Variants in ADCY2 observed in about 807,000 individuals in gnomAD.
ADCY2 encodes adenylate cyclase 2, also known as adenylate cyclase type 2.
ADCY2 carries 31 observed loss-of-function variants against 125.2 expected under a neutral mutation model. The ratio of observed to expected loss-of-function variants is 0.25; its 90% CI spans 0.19 to 0.33. ADCY2 has a LOEUF of 0.33. Ranked by LOEUF, ADCY2 falls within the 10% of genes least tolerant of loss-of-function variation. ADCY2 has a pLI of 1.00. For missense variants in ADCY2, 904 were observed against 1,418.2 expected (o/e 0.64, Z 5.82); for synonymous variants, 512 against 548.4 (o/e 0.93, Z 0.93).
chr5:7,409,347 C>G (rs1739625072), intron 1 of ADCY2, among the ~76,000 whole-genome samples: 1 of 152,092 alleles, frequency 6.6e-6, no homozygotes, highest in Non-Finnish European at 1.5e-5. Flanking sequence ...CAAGTTTCTT[C>G]TGTATCAAAT....
chr5:7,738,700 A>G (rs1742322319), intron 14 of ADCY2, among the ~76,000 whole-genome samples: 1 of 152,042 alleles, frequency 6.6e-6, no homozygotes, highest in Non-Finnish European at 1.5e-5. Flanking sequence ...ATCTGATGTA[A>G]ACAATAAGCA....
chr5:7,508,822 G>A (rs566835101), intron 2 of ADCY2, among the ~76,000 whole-genome samples: 1 of 152,118 alleles, frequency 6.6e-6, no homozygotes, highest in East Asian at 1.9e-4. Flanking sequence ...CCTCATGTTG[G>A]CCAAGAAAAC....
intron 4 of ADCY2, among the ~76,000 whole-genome samples, chr5:7,668,980 T>C (rs1310213034): frequency 2.0e-5 from 3 of 152,230 alleles, no homozygotes; most frequent in Admixed American, 1.3e-4. Context: ...TAATTCTATA[T>C]TGAAATGTGC....
At chr5:7,677,103 C>T (rs996811226) in intron 4 of ADCY2, among the ~76,000 whole-genome samples, 6 of 151,958 alleles carry the variant, frequency 3.9e-5, no homozygotes, top group African/African-American at 1.5e-4. Flanking sequence ...ATGGTGAAAC[C>T]TCATCTCTAC....
intron 4 of ADCY2, among the ~76,000 whole-genome samples, chr5:7,687,092 A>G (rs1708068607): frequency 6.6e-6 from 1 of 152,228 alleles, no homozygotes; most frequent in Non-Finnish European, 1.5e-5. Flanking sequence ...ATTTCAGCTT[A>G]AATTCACATG....
In ADCY2 at chr5:7,422,874, C is replaced by T. The variant is rs192807122; in HGVS notation, c.408+8104C>T. On this transcript the variant is annotated intron_variant, in intron 2 of 24. Transcript: ENST00000338316. ...CTTAGCCTTTGAACTGGTGCAGAAT[C>T]CTTTTGCTTTTCCTCTAGTGCAGTC... Among the ~76,000 whole-genome samples, 555 of 152,254 alleles carry T rather than the reference C, an allele frequency of 3.6e-3. 2 individuals carry two copies. Among genetic ancestry groups the T allele is most frequent in the Non-Finnish European group, 3.9e-3 (262 of 68,024 alleles).
chr5:7,779,603 C>T (rs1448677762), intron 18 of ADCY2, among the ~76,000 whole-genome samples: 1 of 152,012 alleles, frequency 6.6e-6, no homozygotes, highest in Non-Finnish European at 1.5e-5. Context: ...CTTTTGTCAT[C>T]TTTTCTGACC....
intron 4 of ADCY2, among the ~76,000 whole-genome samples, chr5:7,629,311 TC>T (rs896612255): frequency 6.6e-6 from 1 of 152,100 alleles, no homozygotes; most frequent in African/African-American, 2.4e-5. Flanking sequence ...CCGTCCCTCT[TC>T]ACCCAGGATT....
intron 4 of ADCY2, among the ~76,000 whole-genome samples, chr5:7,689,427 T>G (rs1479667078): frequency 6.6e-6 from 1 of 152,246 alleles, no homozygotes; most frequent in Non-Finnish European, 1.5e-5. Flanking sequence ...TGATCAATGC[T>G]CAGTTATGCC....
chr5:7,547,764 C>T (rs1337902688), intron 3 of ADCY2, among the ~76,000 whole-genome samples: 2 of 152,204 alleles, frequency 1.3e-5, no homozygotes, highest in Admixed American at 1.3e-4. Context: ...TCACTTCTCT[C>T]ATGGTTTTGT....
intron 4 of ADCY2, among the ~76,000 whole-genome samples, chr5:7,685,625 A>G (rs1328377868): frequency 6.6e-6 from 1 of 152,222 alleles, no homozygotes; most frequent in Non-Finnish European, 1.5e-5. Context: ...GGACCTAAGA[A>G]AAAGCTGAAT....
chr5:7,706,939 C>T, intron 8 of ADCY2, 37 bp downstream of exon 8: 2 of 1,611,794 alleles, frequency 1.2e-6, no homozygotes. Flanking sequence ...TTCAAGCAGG[C>T]AGAACTATTA....
chr5:7,639,084 C>T (rs1434128626), intron 4 of ADCY2, among the ~76,000 whole-genome samples: 1 of 152,146 alleles, frequency 6.6e-6, no homozygotes, highest in African/African-American at 2.4e-5. Context: ...TCCATTAAAC[C>T]TCTTTCTTTT....
chr5:7,718,145 A>ATTT (rs59353850), intron 12 of ADCY2, among the ~76,000 whole-genome samples: 37,020 of 115,100 alleles, frequency 0.32, 6,866 homozygotes, highest in Non-Finnish European at 0.41. Context: ...CCTGTTTTAG[A>ATTT]TTTTTTTTTT....
intron 1 of ADCY2, among the ~76,000 whole-genome samples, chr5:7,401,259 G>A (rs1053149558): frequency 2.0e-5 from 3 of 152,178 alleles, no homozygotes; most frequent in African/African-American, 4.8e-5. Flanking sequence ...AGGGAATACT[G>A]TAGTCACATT....
intron 23 of ADCY2, among the ~76,000 whole-genome samples, chr5:7,817,315 T>G (rs1242680645): frequency 6.6e-6 from 1 of 152,124 alleles, no homozygotes; most frequent in Non-Finnish European, 1.5e-5. Context: ...AACTGGGACC[T>G]GCCACTAACT....
At chr5:7,581,819 C>CAA (rs59841590) in intron 3 of ADCY2, among the ~76,000 whole-genome samples, 251 of 123,774 alleles carry the variant, frequency 2.0e-3, no homozygotes, top group Middle Eastern at 8.3e-3. Context: ...GACTCAGTCT[C>CAA]AAAAAAAAAA....
chr5:7,424,440 C>T (rs1740317127), intron 2 of ADCY2, among the ~76,000 whole-genome samples: 1 of 152,258 alleles, frequency 6.6e-6, no homozygotes, highest in African/African-American at 2.4e-5. Context: ...GGCATTCTGC[C>T]ACCATCACAT....
chr5:7,514,496 A>G (rs868709645), intron 2 of ADCY2, among the ~76,000 whole-genome samples: 59 of 152,188 alleles, frequency 3.9e-4, no homozygotes, highest in African/African-American at 1.4e-3. Context: ...AAAATACTTG[A>G]GATCTAAACC....
Sources: allele counts gnomAD v4.1 joint callset (sites outside exome capture counted in the v4.1 genomes callset), GRCh38; gene constraint gnomAD v4.1.1; transcripts MANE v1.5; gene names NCBI Gene and HGNC (gene_info 2026-07-23, HGNC 2026-07-21).